Variants in DAB1 observed in about 807,000 individuals in gnomAD.
DAB1 encodes DAB adaptor protein 1.
In DAB1, 15 loss-of-function variants were observed where a neutral mutation model predicts 64.6. The ratio of observed to expected loss-of-function variants is 0.23; its 90% confidence interval spans 0.16 to 0.36. DAB1 has a LOEUF of 0.36. Ranked by LOEUF, DAB1 falls within the 10% of genes least tolerant of loss-of-function variation. The probability of loss-of-function intolerance (pLI) is 1.00; values close to 1 mark genes in which losing one functional copy is unlikely to be tolerated. For missense variants in DAB1, 596 were observed against 706.7 expected (o/e 0.84, Z 1.78); for synonymous variants, 235 against 251.9 (o/e 0.93, Z 0.64).
chr1:58,411,835 A>C (rs1232936914), intron 3 of DAB1, among the ~76,000 whole-genome samples: 1 of 152,100 alleles, frequency 6.6e-6, no homozygotes, highest in Non-Finnish European at 1.5e-5. Context: ...TTGCAAATTT[A>C]TCTCTCTATT....
chr1:58,018,587 G>T (rs1377579036), intron 5 of DAB1, among the ~76,000 whole-genome samples: 1 of 152,200 alleles, frequency 6.6e-6, no homozygotes, highest in Non-Finnish European at 1.5e-5. Context: ...GAACCTTAGA[G>T]ATTTATCTGG....
chr1:57,380,910 A>T (rs932546702), intron 1 of DAB1, among the ~76,000 whole-genome samples: 1 of 152,174 alleles, frequency 6.6e-6, no homozygotes, highest in African/African-American at 2.4e-5. Context: ...CCATTTGTTG[A>T]TTACATTTGA....
intron 6 of DAB1, among the ~76,000 whole-genome samples, chr1:57,751,394 A>G (rs983255661): frequency 6.6e-6 from 1 of 152,108 alleles, no homozygotes; most frequent in Admixed American, 6.6e-5. Context: ...TGGTGGGTCT[A>G]TAAGGGGAGA....
In DAB1 at chr1:57,726,202, T is replaced by C. The variant is rs544834992; in HGVS notation, n.552-76537A>G. On this transcript the variant is annotated intron_variant and non_coding_transcript_variant, in intron 6 of 20. Coordinates refer to the DAB1 transcript ENST00000485760. ...GAGTAAAGTAAAAGTTGTAACAGGG[T>C]GTGATCAGCCAAGGTGGAAGGGATG... Among the ~76,000 whole-genome samples, 13 of 152,276 alleles carry C rather than the reference T, an allele frequency of 8.5e-5. No individual in the cohort carries two copies. In the East Asian group the frequency reaches 1.7e-3, roughly 20 times the overall value.
intron 1 of DAB1, among the ~76,000 whole-genome samples, chr1:57,837,349 C>G (rs1193865855): frequency 6.6e-6 from 1 of 152,156 alleles, no homozygotes; most frequent in Non-Finnish European, 1.5e-5. Context: ...CCACCCTTGC[C>G]CCATGCTTTC....
rs551946952 is a variant in DAB1, at chr1:58,049,251, C to G, written n.387+101260G>C. On this transcript the variant is annotated intron_variant and non_coding_transcript_variant, in intron 5 of 20. Coordinates refer to the DAB1 transcript ENST00000485760. ...GCTCAGCCCTCCAGTGAAGAGCTTC[C>G]TAAGCTGTTCGGGCTCTTTAGGAGA... 8.7e-5 allele frequency: 66 copies of G among 754,372 alleles called. No individual in the cohort carries two copies. The East Asian group carries it at 1.2e-3, about 14-fold the overall frequency. The allele number at this position is 754,372 out of a possible 1,614,324, so 46.7% of individuals were successfully genotyped here. A position where few individuals can be genotyped will look rare whatever the true frequency, so the allele number is the denominator to read the frequency against.
intron 3 of DAB1, among the ~76,000 whole-genome samples, chr1:58,447,872 AGTCTTATGC>A (rs1270613052): frequency 6.6e-6 from 1 of 151,908 alleles, no homozygotes; most frequent in Non-Finnish European, 1.5e-5. Flanking sequence ...AAAAAAAAAA[AGTCTTATGC>A]AATAAGAAGA....
chr1:57,697,245 A>G (rs1470110804), intron 6 of DAB1, among the ~76,000 whole-genome samples: 1 of 151,374 alleles, frequency 6.6e-6, no homozygotes, highest in African/African-American at 2.4e-5. Flanking sequence ...AAATGAGTTG[A>G]TCAATCAATC....
intron 5 of DAB1, among the ~76,000 whole-genome samples, chr1:58,052,228 G>A (rs1200931658): frequency 1.3e-5 from 2 of 152,196 alleles, no homozygotes; most frequent in South Asian, 2.1e-4. Flanking sequence ...TGTATAAGAG[G>A]TAAGGAAGGG....
chr1:57,887,079 A>G (rs1644234794), upstream of DAB1, among the ~76,000 whole-genome samples: 2 of 152,060 alleles, frequency 1.3e-5, no homozygotes, highest in Non-Finnish European at 2.9e-5. Context: ...TCCCACCCTC[A>G]CACATCATTC....
intron 6 of DAB1, among the ~76,000 whole-genome samples, chr1:57,789,542 G>T (rs1535769): frequency 3.3e-5 from 5 of 152,112 alleles, no homozygotes; most frequent in Admixed American, 3.3e-4. Flanking sequence ...TGTCTTCCTC[G>T]TGTGTCCTCA....
chr1:57,209,541 A>T (rs1444814796), intron 2 of DAB1, among the ~76,000 whole-genome samples: 1 of 152,180 alleles, frequency 6.6e-6, no homozygotes, highest in Non-Finnish European at 1.5e-5. Context: ...GCCAGCTTCA[A>T]TTCTACTCCA....
intron 6 of DAB1, among the ~76,000 whole-genome samples, chr1:57,790,419 G>A (rs1217109765): frequency 6.6e-6 from 1 of 152,120 alleles, no homozygotes; most frequent in African/African-American, 2.4e-5. Context: ...CCCCAGCCCT[G>A]CAGAACTGTG....
In DAB1 at chr1:57,933,395, C is replaced by T. The variant is rs189522247; in HGVS notation, n.388-49233G>A. On this transcript the variant is annotated intron_variant and non_coding_transcript_variant, in intron 5 of 20. Coordinates refer to the DAB1 transcript ENST00000485760. ...GGATAAAGTGGCATCTTCTAAGCTTCTCACATGCCAGTAGAAAACCAGAAG... is the reference window on the plus strand; with the variant it reads ...GGATAAAGTGGCATCTTCTAAGCTTTTCACATGCCAGTAGAAAACCAGAAG... Among the ~76,000 whole-genome samples the T allele has an allele frequency of 4.8e-3, 737 of 152,056 alleles. 4 individuals carry two copies. Among genetic ancestry groups the T allele is most frequent in the Non-Finnish European group, 7.6e-3 (516 of 68,016 alleles).
At chr1:57,520,782 T>C (rs1644516410) in intron 7 of DAB1, among the ~76,000 whole-genome samples, 1 of 151,866 alleles carries the variant, frequency 6.6e-6, no homozygotes, top group Non-Finnish European at 1.5e-5. Context: ...ATAAATGCTA[T>C]GATAGAAAGA....
intron 1 of DAB1, among the ~76,000 whole-genome samples, chr1:57,293,812 T>G (rs1486764362): frequency 6.6e-6 from 1 of 152,170 alleles, no homozygotes; most frequent in Non-Finnish European, 1.5e-5. Flanking sequence ...TTGGGCCATT[T>G]TCTCTTCTTC....
intron 3 of DAB1, among the ~76,000 whole-genome samples, chr1:58,444,464 G>C (rs756591316): frequency 1.3e-5 from 2 of 152,208 alleles, no homozygotes; most frequent in Admixed American, 6.5e-5. Flanking sequence ...GCCTGACTCC[G>C]GATTTGGTGC....
intron 5 of DAB1, among the ~76,000 whole-genome samples, chr1:58,057,998 C>CCTG (rs5774393): frequency 6.6e-6 from 1 of 151,044 alleles, no homozygotes; most frequent in Non-Finnish European, 1.5e-5. Flanking sequence ...TTGCACAACA[C>CCTG]TCTTTTTGCC....
intron 4 of DAB1, among the ~76,000 whole-genome samples, chr1:58,261,489 C>T (rs1000081657): frequency 1.3e-5 from 2 of 152,098 alleles, no homozygotes; most frequent in African/African-American, 4.8e-5. Context: ...GCAGATAGAC[C>T]TCTCTCAAGA....
Sources: gnomAD v4.1 joint callset for allele counts (sites outside exome capture counted in the v4.1 genomes callset) on GRCh38, gnomAD v4.1.1 for gene constraint, MANE v1.5 for transcripts, NCBI Gene and HGNC (gene_info 2026-07-23, HGNC 2026-07-21) for gene names.